THEMIS: variants seen among roughly 807,000 people sequenced by gnomAD.
THEMIS encodes the protein thymocyte selection associated.
A neutral mutation model predicts 52.6 loss-of-function variants in THEMIS; 37 were observed. The observed-to-expected ratio is 0.70, with a 90% CI of 0.54 to 0.93. The LOEUF (loss-of-function observed/expected upper bound fraction) is 0.93. Ranked by LOEUF, THEMIS falls within the 40% of genes least tolerant of loss-of-function variation. The pLI, the probability that THEMIS is intolerant of heterozygous loss-of-function variation, is 0.00. For synonymous variants in THEMIS, 292 were observed against 272.7 expected (o/e 1.07, Z -0.70); for missense variants, 808 against 763.1 (o/e 1.06, Z -0.69).
At chr6:127,819,557 T>C (rs1255153203) in intron 3 of THEMIS, among the ~76,000 whole-genome samples, 2 of 152,086 alleles carry the variant, frequency 1.3e-5, no homozygotes, top group Non-Finnish European at 2.9e-5. Flanking sequence ...AAACACCTTA[T>C]CTATAGAGGA....
chr6:127,719,575 T>C (rs1185120530), intron 5 of THEMIS, 113 bp downstream of exon 5: 1 of 959,826 alleles, frequency 1.0e-6, no homozygotes, highest in Admixed American at 2.8e-5. Context: ...GGTGATCACT[T>C]GGGCTGAGTC....
chr6:127,816,123 G>A (rs966655733), intron 3 of THEMIS, among the ~76,000 whole-genome samples: 1 of 152,096 alleles, frequency 6.6e-6, no homozygotes, highest in African/African-American at 2.4e-5. Context: ...TGACAAAGTG[G>A]ATTAGACTCC....
intron 1 of THEMIS, among the ~76,000 whole-genome samples, chr6:127,913,459 C>T (rs1781455608): frequency 6.6e-6 from 1 of 152,116 alleles, no homozygotes. Flanking sequence ...CAGCACTATG[C>T]TAAGAAATGT....
chr6:127,816,767 GTATAAAAGCCAAAGTCCT>G (rs1778149730), intron 3 of THEMIS, among the ~76,000 whole-genome samples: 1 of 152,084 alleles, frequency 6.6e-6, no homozygotes, highest in African/African-American at 2.4e-5. Flanking sequence ...CTTTCACTTA[GTATAAAAGCCAAAGTCCT>G]TACCTGGCCC....
Position 127,829,721 on chromosome 6 carries a change from G to A in THEMIS, c.464C>T (p.Ala155Val). 1 of 1,614,054 alleles carries A rather than the reference G, an allele frequency of 6.2e-7. No individual in the cohort carries two copies. The highest frequency in any genetic ancestry group is 1.3e-5 in the African/African-American group (1 of 75,040). Residue 155 changes from alanine (A) to valine (V), a missense_variant, in exon 3 of 6, where the codon GCA becomes GTA. Physicochemically the swap from Ala to Val is moderately conservative, Grantham distance 64. Coordinates refer to ENST00000368248, the MANE Select transcript of THEMIS (RefSeq NM_001010923.3). ...AAATGAGTGAGTTTGATGATTCCTT[G>A]CTACTGCACAGCTCACCATTATTTC... ...DGEIMVSCAV[A>V]RNHQTHSFNL...
intron 4 of THEMIS, among the ~76,000 whole-genome samples, chr6:127,740,188 G>A (rs144361275): frequency 6.6e-6 from 1 of 152,066 alleles, no homozygotes; most frequent in African/African-American, 2.4e-5. Context: ...TTCCTGCTTT[G>A]TAGGTCTTTT....
intron 4 of THEMIS, among the ~76,000 whole-genome samples, chr6:127,740,829 T>G (rs895177425): frequency 6.6e-6 from 1 of 152,134 alleles, no homozygotes; most frequent in African/African-American, 2.4e-5. Flanking sequence ...TAAAAAGAAA[T>G]AAAAATTTAG....
intron 4 of THEMIS, among the ~76,000 whole-genome samples, chr6:127,808,764 T>A (rs1325640440): frequency 1.3e-5 from 2 of 152,078 alleles, no homozygotes; most frequent in Non-Finnish European, 2.9e-5. Flanking sequence ...ACCAATCTAT[T>A]TTTTTTTCTT....
chr6:127,868,240 T>C (rs1780045130), intron 1 of THEMIS, among the ~76,000 whole-genome samples: 1 of 152,146 alleles, frequency 6.6e-6, no homozygotes, highest in Non-Finnish European at 1.5e-5. Flanking sequence ...TATTTTACCA[T>C]TATTATTTTA....
Position 127,911,862 on chromosome 6 carries a change from A to G in THEMIS, c.-150+6566T>C, listed in dbSNP as rs548564229. ...TCCCCACTGGGACACTGCCTAGTGG[A>G]GCTATAAGAAGGGGGCCATTGTCCT... On this transcript the variant is annotated intron_variant, in intron 1 of 6. Coordinates refer to the THEMIS transcript ENST00000368250. Among the ~76,000 whole-genome samples the G allele has an allele frequency of 6.5e-4, 99 of 151,468 alleles. 2 individuals are homozygous for G. The highest frequency in any genetic ancestry group is 1.1e-3 in the Non-Finnish European group (73 of 68,022).
chr6:127,697,571 C>T, the THEMIS span, among the ~76,000 whole-genome samples: 1 of 152,136 alleles, frequency 6.6e-6, no homozygotes, highest in Non-Finnish European at 1.5e-5. Flanking sequence ...TTCTAGTTTT[C>T]TCTACTTTTC....
At chr6:127,714,818 A>G (rs1204464854) in intron 5 of THEMIS, among the ~76,000 whole-genome samples, 2 of 151,890 alleles carry the variant, frequency 1.3e-5, no homozygotes, top group African/African-American at 4.8e-5. Context: ...AAAAGAAAAG[A>G]AAAAGGTTGC....
the THEMIS span, among the ~76,000 whole-genome samples, chr6:127,697,159 C>A: frequency 6.6e-6 from 1 of 152,104 alleles, no homozygotes; most frequent in Non-Finnish European, 1.5e-5. Flanking sequence ...GAATAATTCC[C>A]AAATCAGCAC....
chr6:127,700,931 T>A, the THEMIS span, among the ~76,000 whole-genome samples: 1 of 152,092 alleles, frequency 6.6e-6, no homozygotes, highest in Non-Finnish European at 1.5e-5. Context: ...TAGGCTCTCA[T>A]CCCCAATCTC....
intron 4 of THEMIS, among the ~76,000 whole-genome samples, chr6:127,756,063 A>T (rs560522823): frequency 6.6e-6 from 1 of 152,080 alleles, no homozygotes; most frequent in South Asian, 2.1e-4. Flanking sequence ...AAAACAAAAC[A>T]AAAAACCCAA....
At chr6:127,894,208 A>G (rs956953418) in intron 1 of THEMIS, among the ~76,000 whole-genome samples, 3 of 152,108 alleles carry the variant, frequency 2.0e-5, no homozygotes, top group Admixed American at 6.6e-5. Context: ...ATATAAAGAG[A>G]GGTGTTATAA....
intron 4 of THEMIS, among the ~76,000 whole-genome samples, chr6:127,742,958 A>C (rs1775260529): frequency 6.6e-6 from 1 of 152,148 alleles, no homozygotes; most frequent in Non-Finnish European, 1.5e-5. Context: ...ACCATGAATA[A>C]AAAAGAATAT....
At position 127,868,284 on chromosome 6, in the gene THEMIS, A is replaced by G. The variant is rs377454824; in HGVS notation, c.92-13096T>C. Among the ~76,000 whole-genome samples the G allele has an allele frequency of 4.6e-5, 7 of 152,282 alleles. No individual in the cohort carries two copies. The South Asian group carries it at 1.5e-3, about 32-fold the overall frequency. ...TTAAGACTGAATAATCCAGTGTAAT[A>G]CAATACTATCATATGCTGGTGGGAT... On this transcript the variant is annotated intron_variant, in intron 1 of 5. Coordinates refer to ENST00000368248, the MANE Select transcript of THEMIS (RefSeq NM_001010923.3).
At chr6:127,752,524 C>T (rs1231936828) in intron 4 of THEMIS, among the ~76,000 whole-genome samples, 1 of 151,414 alleles carries the variant, frequency 6.6e-6, no homozygotes, top group East Asian at 1.9e-4. Flanking sequence ...AACAAATATA[C>T]ACCAACATAT....
Sources: gnomAD v4.1 joint callset for allele counts (sites outside exome capture counted in the v4.1 genomes callset) on GRCh38, gnomAD v4.1.1 for gene constraint, MANE v1.5 for transcripts, NCBI Gene and HGNC (gene_info 2026-07-23, HGNC 2026-07-21) for gene names.